The following NELL1 variants were observed in gnomAD, a reference collection of about 807,000 sequenced individuals.
NELL1 encodes neural EGFL like 1, also known as protein kinase C-binding protein NELL1.
In NELL1, 76 loss-of-function variants were observed where a neutral mutation model predicts 107.4. The ratio of observed to expected loss-of-function variants is 0.71; its 90% CI spans 0.59 to 0.86. The LOEUF is 0.86. NELL1 is among the 40% of genes least tolerant of loss of function. NELL1 has a pLI of 0.00. For missense variants in NELL1, 1,024 were observed against 1,005.5 expected (o/e 1.02, Z -0.25); for synonymous variants, 353 against 341.2 (o/e 1.03, Z -0.38).
intron 14 of NELL1, among the ~76,000 whole-genome samples, chr11:21,244,459 A>G (rs140231530): frequency 1.3e-5 from 2 of 152,300 alleles, no homozygotes; most frequent in African/African-American, 4.8e-5. Flanking sequence ...ATCATACTTG[A>G]ATGCTGAATG....
chr11:20,733,521 G>T (rs959038031), intron 2 of NELL1, among the ~76,000 whole-genome samples: 1 of 152,084 alleles, frequency 6.6e-6, no homozygotes, highest in Non-Finnish European at 1.5e-5. Context: ...GGAGAGGATG[G>T]GGACAAGAAG....
At chr11:21,427,234 C>A (rs944979241) in intron 15 of NELL1, among the ~76,000 whole-genome samples, 1 of 152,144 alleles carries the variant, frequency 6.6e-6, no homozygotes. Flanking sequence ...CCAAATCTTG[C>A]AAAACTTCAT....
intron 13 of NELL1, chr11:21,169,717 T>C (rs545746690): frequency 6.8e-6 from 5 of 730,284 alleles, no homozygotes; most frequent in Admixed American, 5.9e-5. Flanking sequence ...GGTCATCTTT[T>C]GGCACAGAAG....
chr11:21,390,558 C>T (rs932013941), intron 15 of NELL1, among the ~76,000 whole-genome samples: 1 of 151,262 alleles, frequency 6.6e-6, no homozygotes, highest in Non-Finnish European at 1.5e-5. Context: ...CACCCAAACA[C>T]TTCCCATTTC....
At chr11:21,158,405 C>T (rs1856292579) in intron 13 of NELL1, among the ~76,000 whole-genome samples, 1 of 152,198 alleles carries the variant, frequency 6.6e-6, no homozygotes, top group African/African-American at 2.4e-5. Context: ...AACCGTAATA[C>T]AAGTTGTGAG....
At chr11:20,701,236 G>C (rs1264700625) in intron 2 of NELL1, among the ~76,000 whole-genome samples, 15 of 151,916 alleles carry the variant, frequency 9.9e-5, no homozygotes, top group African/African-American at 3.4e-4. Context: ...TTGTGGTTTT[G>C]ATTTGCATTT....
At chr11:21,502,993 C>A (rs1378992217) in intron 15 of NELL1, among the ~76,000 whole-genome samples, 1 of 152,140 alleles carries the variant, frequency 6.6e-6, no homozygotes, top group African/African-American at 2.4e-5. Context: ...AGTGATTCTC[C>A]TGCCTCAACC....
intron 14 of NELL1, among the ~76,000 whole-genome samples, chr11:21,307,838 CA>C (rs1462886957): frequency 6.6e-6 from 1 of 151,886 alleles, no homozygotes; most frequent in African/African-American, 2.4e-5. Flanking sequence ...AACCCAAGGT[CA>C]AATTTTAATT....
At chr11:20,686,186 C>A (rs1854301235) in intron 2 of NELL1, among the ~76,000 whole-genome samples, 1 of 151,894 alleles carries the variant, frequency 6.6e-6, no homozygotes. Flanking sequence ...GAATGAAAAC[C>A]TTCATTTCAG....
chr11:21,566,127 G>C (rs1441949802), intron 17 of NELL1, among the ~76,000 whole-genome samples: 1 of 151,824 alleles, frequency 6.6e-6, no homozygotes. Context: ...AAATGAACAA[G>C]GGAACTTGTG....
At chr11:20,734,663 A>G (rs569735244) in intron 2 of NELL1, among the ~76,000 whole-genome samples, 1 of 152,284 alleles carries the variant, frequency 6.6e-6, no homozygotes, top group South Asian at 2.1e-4. Context: ...GTCATGTTAG[A>G]TTTGAGAAAT....
At position 20,842,517 on chromosome 11, in the gene NELL1, C is replaced by A. The variant is rs770710748; in HGVS notation, c.336-5066C>A. On this transcript the variant is annotated intron_variant, in intron 3 of 19. Transcript: ENST00000357134. ...CCTAGACTGAGGGCATCATGAGAAC[C>A]ATGAATGGAGGCTGCCTGAGTTCAC... is the stretch of plus-strand genomic sequence containing the variant. Among the ~76,000 whole-genome samples, 3 of 152,160 alleles carry A rather than the reference C, an allele frequency of 2.0e-5. No individual in the cohort carries two copies. In the South Asian group the frequency reaches 6.2e-4, roughly 32 times the overall value.
rs552086361 is a variant in NELL1 at position 20,886,659 on chromosome 11, A to C, written c.603+1119A>C. On this transcript the variant is annotated intron_variant, in intron 5 of 19. Transcript: ENST00000357134. ...CAGGTGGGAGTTGAACAATGAGAAC[A>C]CATGGACACAGGGTGGGGAACATCA... Among the ~76,000 whole-genome samples the C allele has an allele frequency of 2.0e-3, 306 of 152,290 alleles. 1 individual carries two copies. Among genetic ancestry groups the C allele is most frequent in the African/African-American group, 7.3e-3 (302 of 41,562 alleles).
At chr11:21,435,435 TTTG>T (rs1443278458) in intron 15 of NELL1, among the ~76,000 whole-genome samples, 7 of 135,628 alleles carry the variant, frequency 5.2e-5, no homozygotes, top group Non-Finnish European at 7.6e-5. Context: ...TTTATTGTTT[TTTG>T]TTTTTTGTTT....
intron 4 of NELL1, among the ~76,000 whole-genome samples, chr11:20,862,288 C>CG (rs1848991977): frequency 1.2e-5 from 1 of 83,572 alleles, no homozygotes; most frequent in Admixed American, 1.3e-4. Context: ...ATTCAAGAGT[C>CG]ATTTTTTTTT....
chr11:21,465,712 A>G (rs575711494), intron 15 of NELL1, among the ~76,000 whole-genome samples: 8 of 152,200 alleles, frequency 5.3e-5, no homozygotes, highest in Admixed American at 4.6e-4. Context: ...TAAGTACACA[A>G]TAAAATCCAG....
chr11:21,370,324 T>C (rs1253611131), intron 14 of NELL1, among the ~76,000 whole-genome samples: 3 of 152,092 alleles, frequency 2.0e-5, no homozygotes, highest in Non-Finnish European at 4.4e-5. Flanking sequence ...ATTGTTTTTA[T>C]TACCAAAATA....
intron 13 of NELL1, among the ~76,000 whole-genome samples, chr11:21,221,785 C>A (rs1857763491): frequency 6.6e-6 from 1 of 152,038 alleles, no homozygotes; most frequent in Non-Finnish European, 1.5e-5. Context: ...CTTGACCTCC[C>A]AGGCTCAAGA....
intron 3 of NELL1, among the ~76,000 whole-genome samples, chr11:20,791,320 T>C (rs1857069100): frequency 6.6e-6 from 1 of 152,226 alleles, no homozygotes; most frequent in African/African-American, 2.4e-5. Flanking sequence ...TTCCTAGGTG[T>C]ATTTTTTTAT....
Sources: gnomAD v4.1 joint callset for allele counts (sites outside exome capture counted in the v4.1 genomes callset) on GRCh38, gnomAD v4.1.1 for gene constraint, MANE v1.5 for transcripts, NCBI Gene and HGNC (gene_info 2026-07-23, HGNC 2026-07-21) for gene names.